The following ROBO1 variants were observed in gnomAD, a reference collection of about 807,000 sequenced individuals.
ROBO1 encodes the protein roundabout homolog 1.
In ROBO1, 149 loss-of-function variants were observed where a neutral mutation model predicts 195.9. That is an observed-to-expected ratio of 0.76 (90% CI 0.67 to 0.87). The LOEUF (loss-of-function observed/expected upper bound fraction) is 0.87. Among genes scored for constraint, ROBO1 ranks in the 40% least tolerant of loss-of-function variants. ROBO1 has a pLI of 0.00. For synonymous variants in ROBO1, 816 were observed against 733.2 expected (o/e 1.11, Z -1.82); for missense variants, 1,933 against 2,068.3 (o/e 0.93, Z 1.27).
chr3:78,959,123 A>G (rs2041207909), intron 3 of ROBO1, among the ~76,000 whole-genome samples: 1 of 152,146 alleles, frequency 6.6e-6, no homozygotes, highest in Non-Finnish European at 1.5e-5. Context: ...TTAATAAGTC[A>G]AGTGGAACAG....
chr3:79,638,178 A>C (rs1291713634), intron 1 of ROBO1, among the ~76,000 whole-genome samples: 1 of 152,210 alleles, frequency 6.6e-6, no homozygotes, highest in African/African-American at 2.4e-5. Context: ...AGGATTAGTG[A>C]TACTTAGCAT....
In ROBO1 at chr3:78,634,288, T is replaced by C. The variant is rs1193860136; in HGVS notation, c.3374-246A>G. On this transcript the variant is annotated intron_variant, in intron 23 of 30. Transcript: ENST00000464233. Reference sequence around the variant, plus strand: ...ATGATTTTAATAAGAATCACAAAAATGTCTGCAAATCATAAAAAATAAATC... The same window carrying C: ...ATGATTTTAATAAGAATCACAAAAACGTCTGCAAATCATAAAAAATAAATC... 12 of 175,168 alleles carry C rather than the reference T, an allele frequency of 6.9e-5. No individual in the cohort carries two copies. The Admixed American group carries it at 7.2e-4, about 11-fold the overall frequency. The allele number at this position is 175,168 out of a possible 1,614,324, so 10.9% of individuals were successfully genotyped here.
intron 2 of ROBO1, among the ~76,000 whole-genome samples, chr3:79,289,854 A>G (rs2032131691): frequency 6.6e-6 from 1 of 152,172 alleles, no homozygotes; most frequent in Non-Finnish European, 1.5e-5. Flanking sequence ...AGGTTATTAC[A>G]GCCTATGTCA....
At chr3:79,696,036 T>C (rs1947438648) in intron 1 of ROBO1, among the ~76,000 whole-genome samples, 1 of 151,504 alleles carries the variant, frequency 6.6e-6, no homozygotes, top group South Asian at 2.1e-4. Context: ...TTGAACACTG[T>C]AATAAAAATG....
intron 1 of ROBO1, among the ~76,000 whole-genome samples, chr3:79,744,345 G>A (rs942756406): frequency 2.6e-5 from 4 of 152,084 alleles, no homozygotes; most frequent in Non-Finnish European, 4.4e-5. Flanking sequence ...GGTACTGGGT[G>A]TGAAAAAATA....
chr3:79,069,969 G>A (rs1157381694), intron 3 of ROBO1, among the ~76,000 whole-genome samples: 2 of 151,028 alleles, frequency 1.3e-5, no homozygotes, highest in East Asian at 2.0e-4. Flanking sequence ...AATTCATCAA[G>A]TTTAACTTCC....
At chr3:78,675,813 A>G (rs1306438254) in intron 10 of ROBO1, among the ~76,000 whole-genome samples, 9 of 152,270 alleles carry the variant, frequency 5.9e-5, no homozygotes, top group African/African-American at 2.2e-4. Context: ...ACAGCTTTGA[A>G]GAGAGCAGTG....
intron 2 of ROBO1, among the ~76,000 whole-genome samples, chr3:79,265,462 G>A (rs1273908132): frequency 6.6e-6 from 1 of 151,524 alleles, no homozygotes; most frequent in Non-Finnish European, 1.5e-5. Context: ...AATGCAGGCA[G>A]AAGCCTGCAC....
intron 3 of ROBO1, among the ~76,000 whole-genome samples, chr3:79,056,630 G>T (rs1410528997): frequency 2.0e-5 from 3 of 152,072 alleles, no homozygotes; most frequent in African/African-American, 7.2e-5. Flanking sequence ...TGTCTAACTT[G>T]TTTTCTATGC....
At chr3:78,887,447 T>C (rs1232959465) in intron 4 of ROBO1, among the ~76,000 whole-genome samples, 1 of 152,186 alleles carries the variant, frequency 6.6e-6, no homozygotes, top group African/African-American at 2.4e-5. Flanking sequence ...TTATGAAATT[T>C]AAGAAGATTT....
At chr3:78,838,657 C>G (rs1214820535) in intron 4 of ROBO1, among the ~76,000 whole-genome samples, 1 of 152,162 alleles carries the variant, frequency 6.6e-6, no homozygotes, top group Non-Finnish European at 1.5e-5. Context: ...CGAGAACTCA[C>G]TTACCCCTGA....
Position 79,125,520 on chromosome 3 carries a change from C to A in ROBO1, c.108G>T (p.Arg36Ser), listed in dbSNP as rs1458759712. 10 of 1,613,574 alleles carry A rather than the reference C, an allele frequency of 6.2e-6. No homozygotes were observed. The highest frequency in any genetic ancestry group is 8.5e-6 in the Non-Finnish European group (10 of 1,179,758). ...GGATTGGCGTCCCGTGGTCGTTCCC[C>A]CTCTCTACATCTTCAGGGTCTGTCG... Reference protein sequence around the residue: ...QLIPDPEDVERGNDHGTPIPT... With the variant: ...QLIPDPEDVESGNDHGTPIPT... The change falls in exon 3 of 31, where the codon AGG becomes AGT. Residue 36 changes from arginine to serine, a missense_variant. Physicochemically the swap from Arg to Ser is moderately radical, Grantham distance 110. Transcript: ENST00000464233.
intron 2 of ROBO1, among the ~76,000 whole-genome samples, chr3:79,438,821 G>C (rs1019497632): frequency 6.6e-6 from 1 of 151,892 alleles, no homozygotes; most frequent in African/African-American, 2.4e-5. Flanking sequence ...TCTTCCACCA[G>C]AGTCTTGGTT....
At chr3:78,874,860 C>A (rs931082522) in intron 4 of ROBO1, among the ~76,000 whole-genome samples, 2 of 151,786 alleles carry the variant, frequency 1.3e-5, no homozygotes, top group Non-Finnish European at 2.9e-5. Context: ...ATAATAGTTA[C>A]CTCAAAACAA....
intron 1 of ROBO1, among the ~76,000 whole-genome samples, chr3:79,621,358 A>C (rs1468785733): frequency 1.3e-5 from 2 of 152,162 alleles, no homozygotes; most frequent in Non-Finnish European, 2.9e-5. Flanking sequence ...TTTCGGACTC[A>C]GTCTGCCTGC....
intron 2 of ROBO1, among the ~76,000 whole-genome samples, chr3:79,375,515 A>G (rs941491068): frequency 2.6e-5 from 4 of 152,226 alleles, no homozygotes; most frequent in African/African-American, 9.6e-5. Context: ...GAGTTGAAAT[A>G]GTCACCAGCC....
In ROBO1 at chr3:78,711,368, TTC is replaced by T. The variant is rs372615413; in HGVS notation, c.1045+3027_1045+3028del. Among the ~76,000 whole-genome samples, 63 of 59,818 alleles carry T rather than the reference TTC, an allele frequency of 1.1e-3. 3 individuals carry two copies. The highest frequency in any genetic ancestry group is 1.3e-3 in the Admixed American group (7 of 5,258). The allele number at this position is 59,818 out of a possible 152,430, so 39.2% of individuals were successfully genotyped here. On this transcript the variant is annotated intron_variant, in intron 8 of 30. Coordinates refer to ENST00000464233, the MANE Select transcript of ROBO1 (RefSeq NM_002941.4). The stretch of plus-strand genomic sequence containing the variant: ...CCTTCCTCCTTCCTTCCTTCCTTCC[TTC>T]CTTCCTTCCTTCCTTCCTTCCTTCC...
At chr3:79,652,433 G>A (rs961690448) in intron 1 of ROBO1, among the ~76,000 whole-genome samples, 1 of 152,064 alleles carries the variant, frequency 6.6e-6, no homozygotes, top group Non-Finnish European at 1.5e-5. Context: ...ATGGCACCTA[G>A]AAGATTACCT....
intron 2 of ROBO1, among the ~76,000 whole-genome samples, chr3:79,238,738 T>C (rs562993601): frequency 6.6e-6 from 1 of 152,326 alleles, no homozygotes; most frequent in Non-Finnish European, 1.5e-5. Context: ...CTTCCTGTTT[T>C]AGGTCCTGAT....
Sources: allele counts gnomAD v4.1 joint callset (sites outside exome capture counted in the v4.1 genomes callset), GRCh38; gene constraint gnomAD v4.1.1; transcripts MANE v1.5; gene names NCBI Gene and HGNC (gene_info 2026-07-23, HGNC 2026-07-21).